Variants in NPC1 observed in about 807,000 individuals in gnomAD.
NPC1 encodes the protein NPC intracellular cholesterol transporter 1.
NPC1 carries 85 observed loss-of-function variants against 140.4 expected under a neutral mutation model. That is an observed-to-expected ratio of 0.61 (90% CI 0.51 to 0.72). The LOEUF is 0.72. Ranked by LOEUF, NPC1 falls within the 30% of genes least tolerant of loss-of-function variation. The pLI is 0.00. For missense variants in NPC1, 1,504 were observed against 1,623.8 expected (o/e 0.93, Z 1.27); for synonymous variants, 656 against 624.8 (o/e 1.05, Z -0.74).
At chr18:23,524,941 CTTTTTTTTTTTT>C (rs5823396), downstream of NPC1, among the ~76,000 whole-genome samples, 2 of 69,218 alleles carry the variant, frequency 2.9e-5, no homozygotes, top group Admixed American at 2.3e-4. Flanking sequence ...TTAGAGAAAT[CTTTTTTTTTTTT>C]TTTTTTTTTT....
At position 23,572,715 on chromosome 18, in the gene NPC1, T is replaced by G. The variant is rs549384264; in HGVS notation, c.181-535A>C. Among the ~76,000 whole-genome samples the G allele has an allele frequency of 2.0e-5, 3 of 152,252 alleles. No individual in the cohort carries two copies. The East Asian group carries it at 5.8e-4, about 29-fold the overall frequency. ...CAGGGGTTGTGGCATGTGCCTGTAG[T>G]CCCAGCTACTTGGGACGCTGAGTTG... On this transcript the variant is annotated intron_variant, in intron 2 of 24. Coordinates refer to ENST00000269228, the MANE Select transcript of NPC1 (RefSeq NM_000271.5).
At chr18:23,552,536 G>C (rs1311195105) in intron 9 of NPC1, among the ~76,000 whole-genome samples, 1 of 152,240 alleles carries the variant, frequency 6.6e-6, no homozygotes, top group East Asian at 1.9e-4. Flanking sequence ...GCGTGGCAAA[G>C]TGGAAGGTCT....
At chr18:23,526,031 C>G (rs1159089531), downstream of NPC1, among the ~76,000 whole-genome samples, 1 of 152,160 alleles carries the variant, frequency 6.6e-6, no homozygotes, top group East Asian at 1.9e-4. Flanking sequence ...TACAGCTGCT[C>G]TGTACCTGCC....
intron 20 of NPC1, 86 bp from the exon 21 acceptor site, chr18:23,536,962 C>T (rs2058640518): frequency 9.3e-7 from 1 of 1,076,704 alleles, no homozygotes; most frequent in South Asian, 1.3e-5. Context: ...AGCAAAATCA[C>T]CTGACCCTGG....
chr18:23,520,487 TCTCA>T (rs1189569410), downstream of NPC1, among the ~76,000 whole-genome samples: 1 of 152,180 alleles, frequency 6.6e-6, no homozygotes, highest in Non-Finnish European at 1.5e-5. Flanking sequence ...TTTGAGACAG[TCTCA>T]CTGAGTCACC....
chr18:23,537,122 G>A (rs1163191670), intron 20 of NPC1, among the ~76,000 whole-genome samples: 1 of 152,070 alleles, frequency 6.6e-6, no homozygotes, highest in Admixed American at 6.5e-5. Context: ...AGGCTGGAGT[G>A]CAGTGGCGTG....
At chr18:23,560,808 C>G (rs1452426288) in intron 5 of NPC1, among the ~76,000 whole-genome samples, 2 of 152,250 alleles carry the variant, frequency 1.3e-5, no homozygotes, top group Admixed American at 6.5e-5. Flanking sequence ...TGCCTCCCAC[C>G]CCCTTTTTAA....
chr18:23,555,190 G>A (rs1012613221), intron 8 of NPC1, among the ~76,000 whole-genome samples: 3 of 152,228 alleles, frequency 2.0e-5, no homozygotes, highest in African/African-American at 7.2e-5. Flanking sequence ...AGTTAGAGGC[G>A]TCCACAGAGG....
intron 3 of NPC1, among the ~76,000 whole-genome samples, chr18:23,514,035 G>A (rs1046268746): frequency 6.6e-6 from 1 of 152,120 alleles, no homozygotes; most frequent in African/African-American, 2.4e-5. Flanking sequence ...ATCTGTTCCA[G>A]CTTCCTGACC....
At position 23,554,380 on chromosome 18, in the gene NPC1, C is replaced by T. The variant is rs143695740; in HGVS notation, c.1553+378G>A. On this transcript the variant is annotated intron_variant, in intron 9 of 24. Transcript: ENST00000269228. Reference sequence around the variant, plus strand: ...CAGCACTTTGGGAGGCCGAGGTGGGCGGATCGCCTGAGGTCAGGAGATTGA... The same window carrying T: ...CAGCACTTTGGGAGGCCGAGGTGGGTGGATCGCCTGAGGTCAGGAGATTGA... Among the ~76,000 whole-genome samples the T allele has an allele frequency of 8.9e-4, 135 of 152,222 alleles. 1 individual carries two copies. Among genetic ancestry groups the T allele is most frequent in the South Asian group, 6.9e-3 (33 of 4,800 alleles).
At chr18:23,572,005 G>A (rs2059210999) in intron 3 of NPC1, 69 bp downstream of exon 3, 3 of 860,958 alleles carry the variant, frequency 3.5e-6, no homozygotes, top group Admixed American at 1.9e-5. Flanking sequence ...AAGAATAAAT[G>A]GAAAGCTGAG....
In NPC1 at chr18:23,537,368, C is replaced by T. The variant is rs559605025; in HGVS notation, c.3042-492G>A. On this transcript the variant is annotated intron_variant, in intron 20 of 24. Coordinates refer to ENST00000269228, the MANE Select transcript of NPC1 (RefSeq NM_000271.5). ...CTGGGATTACAGGTGTGAGCCACTT[C>T]GCCTGGCCAGATGGGCTTTTCTCGA... Among the ~76,000 whole-genome samples the T allele has an allele frequency of 3.3e-5, 5 of 152,322 alleles. No homozygotes were observed. In the East Asian group the frequency reaches 5.8e-4, roughly 18 times the overall value.
intron 1 of NPC1, among the ~76,000 whole-genome samples, chr18:23,575,222 C>T (rs1191838160): frequency 1.3e-5 from 2 of 152,232 alleles, no homozygotes; most frequent in African/African-American, 2.4e-5. Flanking sequence ...AATCCCCTTA[C>T]TCAGCACTTG....
chr18:23,513,772 G>T (rs1187698662), intron 3 of NPC1, among the ~76,000 whole-genome samples: 1 of 152,156 alleles, frequency 6.6e-6, no homozygotes, highest in African/African-American at 2.4e-5. Context: ...GCTCTTTGTT[G>T]ATTAGTGATG....
chr18:23,573,614 T>C, intron 1 of NPC1, 40 bp from the exon 2 acceptor site: 1 of 1,613,316 alleles, frequency 6.2e-7, no homozygotes. Context: ...TACCAGGGTC[T>C]CAATGGTAAA....
chr18:23,561,674 C>T (rs866382761), intron 4 of NPC1, 147 bp from the exon 5 acceptor site: 42 of 760,402 alleles, frequency 5.5e-5, no homozygotes, highest in Admixed American at 2.0e-4. Context: ...ACTAAGGGCA[C>T]GAACAGAGAT....
chr18:23,511,620 A>G lies in NPC1; in HGVS notation c.432-4978T>C, dbSNP rs181245694. On this transcript the variant is annotated intron_variant, in intron 3 of 3. Transcript: ENST00000591107. The stretch of plus-strand genomic sequence containing the variant: ...AAATACAAACTTCTTTTTAACAAAA[A>G]GGGGAATGTTGTATATAAACTTTTG... Among the ~76,000 whole-genome samples the G allele has an allele frequency of 2.6e-5, 4 of 152,202 alleles. 1 individual carries two copies. Among genetic ancestry groups the G allele is most frequent in the Admixed American group, 2.6e-4 (4 of 15,284 alleles).
chr18:23,522,952 C>T (rs1347288317), intron 1 of NPC1: 1 of 152,250 alleles, frequency 6.6e-6, no homozygotes, highest in Non-Finnish European at 1.5e-5. Flanking sequence ...AGTCAGCCAC[C>T]CTTTTTCTTT....
chr18:23,585,202 C>T (rs1365607149), intron 1 of NPC1, among the ~76,000 whole-genome samples: 1 of 152,090 alleles, frequency 6.6e-6, no homozygotes, highest in East Asian at 1.9e-4. Flanking sequence ...AGTACACCGG[C>T]GTGATCACAG....
Sources: gnomAD v4.1 joint callset for allele counts (sites outside exome capture counted in the v4.1 genomes callset) on GRCh38, gnomAD v4.1.1 for gene constraint, MANE v1.5 for transcripts, NCBI Gene and HGNC (gene_info 2026-07-23, HGNC 2026-07-21) for gene names.